Variants in LINGO2 observed in about 807,000 individuals in gnomAD.
LINGO2 encodes the protein leucine-rich repeat and immunoglobulin-like domain-containing nogo receptor-interacting protein 2.
Under a neutral mutation model 30.6 loss-of-function variants are expected in LINGO2, and 14 were observed. The observed-to-expected ratio is 0.46, with a 90% CI of 0.30 to 0.72. LINGO2 has a LOEUF of 0.72. LINGO2 is among the 30% of genes least tolerant of loss of function. LINGO2 has a pLI of 0.07. For synonymous variants in LINGO2, 317 were observed against 288.5 expected (o/e 1.10, Z -1.00); for missense variants, 729 against 751.7 (o/e 0.97, Z 0.35).
At chr9:28,859,477 T>A in the LINGO2 span, among the ~76,000 whole-genome samples, 4 of 152,052 alleles carry the variant, frequency 2.6e-5, no homozygotes, top group African/African-American at 7.2e-5. Context: ...AAACTCAGAT[T>A]CCTCATAGAC....
intron 4 of LINGO2, among the ~76,000 whole-genome samples, chr9:28,186,006 T>C (rs1017106855): frequency 4.6e-5 from 7 of 152,198 alleles, no homozygotes; most frequent in African/African-American, 1.7e-4. Context: ...AGGCTTATTA[T>C]GAGAGACGCT....
the LINGO2 span, among the ~76,000 whole-genome samples, chr9:28,973,042 A>C: frequency 6.6e-6 from 1 of 152,220 alleles, no homozygotes; most frequent in Admixed American, 6.5e-5. Context: ...AAGATGTAGG[A>C]AATAGTTTCA....
At chr9:28,912,627 A>C in the LINGO2 span, among the ~76,000 whole-genome samples, 1 of 152,090 alleles carries the variant, frequency 6.6e-6, no homozygotes, top group Non-Finnish European at 1.5e-5. Context: ...TGCTTTAACC[A>C]TTATTTATTT....
the LINGO2 span, among the ~76,000 whole-genome samples, chr9:28,889,499 T>C: frequency 6.6e-6 from 1 of 152,094 alleles, no homozygotes; most frequent in Non-Finnish European, 1.5e-5. Flanking sequence ...TGGATATAAA[T>C]GTGTGATGAT....
chr9:28,020,547 AAAACAAAACAAAACAAAACAAAAC>A (rs1452414700), intron 4 of LINGO2, among the ~76,000 whole-genome samples: 1 of 140,972 alleles, frequency 7.1e-6, no homozygotes, highest in African/African-American at 2.7e-5. Context: ...AAAACAAAAC[AAAACAAAACAAAACAAAACAAAAC>A]AAACAAAACA....
chr9:28,020,287 G>A (rs1365030516), intron 4 of LINGO2, among the ~76,000 whole-genome samples: 1 of 152,142 alleles, frequency 6.6e-6, no homozygotes, highest in Non-Finnish European at 1.5e-5. Context: ...AGTGTTATTT[G>A]GGAAGCTGAG....
At chr9:28,533,864 C>A (rs562086473) in intron 1 of LINGO2, among the ~76,000 whole-genome samples, 2 of 152,220 alleles carry the variant, frequency 1.3e-5, no homozygotes, top group South Asian at 4.1e-4. Flanking sequence ...AGTGATTTTT[C>A]TGTTCATGAC....
chr9:28,863,407 T>C, the LINGO2 span, among the ~76,000 whole-genome samples: 1 of 152,150 alleles, frequency 6.6e-6, no homozygotes, highest in Non-Finnish European at 1.5e-5. Context: ...ACAGCAACTA[T>C]GTAAAACATG....
the LINGO2 span, among the ~76,000 whole-genome samples, chr9:29,055,940 G>GTATATATATGTGTGTATATA: frequency 8.3e-6 from 1 of 119,982 alleles, no homozygotes; most frequent in African/African-American, 3.2e-5. Flanking sequence ...ATGTGTGTGT[G>GTATATATATGTGTGTATATA]TATATATACA....
the LINGO2 span, among the ~76,000 whole-genome samples, chr9:28,841,000 G>A: frequency 2.5e-3 from 384 of 151,736 alleles, 5 homozygotes; most frequent in Admixed American, 8.6e-3. Context: ...AATACTTCTC[G>A]AGTTTCATTC....
the LINGO2 span, among the ~76,000 whole-genome samples, chr9:29,142,023 A>G: frequency 6.6e-6 from 1 of 151,928 alleles, no homozygotes; most frequent in Non-Finnish European, 1.5e-5. Context: ...GTGAGAAAAC[A>G]GAATACCTGA....
At chr9:28,725,683 T>C in the LINGO2 span, among the ~76,000 whole-genome samples, 1 of 151,390 alleles carries the variant, frequency 6.6e-6, no homozygotes, top group Non-Finnish European at 1.5e-5. Flanking sequence ...ACAGCAAATA[T>C]GTCTGTTAAA....
rs191718361 is a variant in LINGO2 at position 28,422,484 on chromosome 9, G to A, written c.-278-49616C>T. 7.2e-4 allele frequency among the ~76,000 whole-genome samples: 109 copies of A among 150,816 alleles called. 1 individual carries two copies. The highest frequency in any genetic ancestry group is 1.3e-3 in the Non-Finnish European group (90 of 67,756). On this transcript the variant is annotated intron_variant, in intron 2 of 5. Transcript: ENST00000379992. The stretch of plus-strand genomic sequence containing the variant: ...GACAATGAGCTACCAACTAATACCC[G>A]CTAGGATGGCTACTATTAAAAAAGA...
chr9:28,088,190 A>G (rs1031212159), intron 4 of LINGO2, among the ~76,000 whole-genome samples: 1 of 119,820 alleles, frequency 8.3e-6, no homozygotes, highest in East Asian at 2.6e-4. Flanking sequence ...ATAAGATTAT[A>G]TATATATAAT....
the LINGO2 span, among the ~76,000 whole-genome samples, chr9:29,038,880 C>G: frequency 6.6e-6 from 1 of 152,032 alleles, no homozygotes; most frequent in African/African-American, 2.4e-5. Flanking sequence ...CGAGCAAATG[C>G]TCAAAAGTCA....
chr9:28,039,161 CAAGTAT>C (rs1357291964), intron 4 of LINGO2, among the ~76,000 whole-genome samples: 1 of 152,162 alleles, frequency 6.6e-6, no homozygotes, highest in Non-Finnish European at 1.5e-5. Context: ...AATTGAAAAA[CAAGTAT>C]AAGTAGGCCG....
intron 4 of LINGO2, among the ~76,000 whole-genome samples, chr9:28,163,055 C>A (rs771532832): frequency 2.0e-5 from 3 of 151,816 alleles, no homozygotes; most frequent in Non-Finnish European, 4.4e-5. Context: ...TATCTTTTGG[C>A]AAGAAAGGTA....
chr9:28,049,367 A>ACC (rs954849979), intron 4 of LINGO2, among the ~76,000 whole-genome samples: 2 of 150,656 alleles, frequency 1.3e-5, no homozygotes, highest in African/African-American at 4.9e-5. Context: ...CTATTTTAGA[A>ACC]CCCCCAAGGT....
chr9:28,788,682 G>A, the LINGO2 span, among the ~76,000 whole-genome samples: 3 of 152,270 alleles, frequency 2.0e-5, no homozygotes, highest in East Asian at 5.8e-4. Flanking sequence ...GTGGCAGAAA[G>A]GAGAAGTGCT....
Sources: gnomAD v4.1 joint callset for allele counts (sites outside exome capture counted in the v4.1 genomes callset) on GRCh38, gnomAD v4.1.1 for gene constraint, MANE v1.5 for transcripts, NCBI Gene and HGNC (gene_info 2026-07-23, HGNC 2026-07-21) for gene names.